The following DNAH9 variants were observed in gnomAD, a reference collection of about 807,000 sequenced individuals.
The protein encoded by DNAH9 is dynein axonemal heavy chain 9.
DNAH9 carries 345 observed loss-of-function variants against 471.6 expected under a neutral mutation model. That is an observed-to-expected ratio of 0.73 (90% CI 0.67 to 0.80). The LOEUF (loss-of-function observed/expected upper bound fraction) is 0.80, where lower values mean the gene tolerates loss of function less well. Ranked by LOEUF, DNAH9 falls within the 30% of genes least tolerant of loss-of-function variation. The probability of loss-of-function intolerance (pLI) is 0.00; values close to 1 mark genes in which losing one functional copy is unlikely to be tolerated. For synonymous variants in DNAH9, 2,093 were observed against 2,123.6 expected (o/e 0.99, Z 0.40); for missense variants, 5,407 against 5,609.2 (o/e 0.96, Z 1.15).
intron 32 of DNAH9, among the ~76,000 whole-genome samples, chr17:11,751,227 C>T (rs1967136501): frequency 6.6e-6 from 1 of 151,636 alleles, no homozygotes; most frequent in Non-Finnish European, 1.5e-5. Context: ...GAGCAAAAAA[C>T]AGATAATTTC....
chr17:11,776,266 G>A (rs1968428804), intron 38 of DNAH9, among the ~76,000 whole-genome samples: 1 of 151,474 alleles, frequency 6.6e-6, no homozygotes, highest in Non-Finnish European at 1.5e-5. Context: ...TAATGACAGT[G>A]ATATCAATGT....
At chr17:11,807,925 C>T (rs1247695519) in intron 44 of DNAH9, 31 bp downstream of exon 44, 3 of 1,572,964 alleles carry the variant, frequency 1.9e-6, no homozygotes, top group Admixed American at 1.7e-5. Flanking sequence ...AGGGAGGAGG[C>T]TCAGCTTCCC....
At chr17:11,881,153 C>T (rs2150995326) in intron 54 of DNAH9, 56 bp from the exon 55 acceptor site, 1 of 1,579,030 alleles carries the variant, frequency 6.3e-7, no homozygotes. Flanking sequence ...AAATTCTGAC[C>T]CCAACCAAAT....
intron 28 of DNAH9, among the ~76,000 whole-genome samples, chr17:11,730,122 C>T (rs2075233638): frequency 6.6e-6 from 1 of 152,134 alleles, no homozygotes; most frequent in Non-Finnish European, 1.5e-5. Flanking sequence ...TATGGTTTTT[C>T]CCTTTTTTTG....
intron 48 of DNAH9, among the ~76,000 whole-genome samples, chr17:11,824,902 C>T (rs1297796361): frequency 6.6e-6 from 1 of 151,828 alleles, no homozygotes; most frequent in African/African-American, 2.4e-5. Flanking sequence ...CCTCCTTCTC[C>T]TCTTCCTCCT....
At chr17:11,688,681 G>A (rs145553906) in intron 19 of DNAH9, among the ~76,000 whole-genome samples, 237 of 152,284 alleles carry the variant, frequency 1.6e-3, no homozygotes, top group African/African-American at 5.6e-3. Flanking sequence ...GTCTGGGCAT[G>A]GGGATCTTAC....
chr17:11,650,443 C>A (rs2073482013), intron 12 of DNAH9, among the ~76,000 whole-genome samples: 1 of 152,176 alleles, frequency 6.6e-6, no homozygotes, highest in Non-Finnish European at 1.5e-5. Context: ...TTTGGGACCC[C>A]ACAGAAGTTC....
intron 52 of DNAH9, among the ~76,000 whole-genome samples, chr17:11,872,915 G>A (rs571900319): frequency 2.3e-4 from 35 of 152,266 alleles, no homozygotes; most frequent in African/African-American, 7.0e-4. Context: ...GCGAGACTCC[G>A]TCTCAAAAAA....
intron 14 of DNAH9, among the ~76,000 whole-genome samples, chr17:11,664,290 T>TGA (rs147301920): frequency 7.8e-4 from 101 of 129,744 alleles, no homozygotes; most frequent in South Asian, 4.3e-3. Flanking sequence ...AGAGAGAGAG[T>TGA]GAGAGAGAGA....
rs139567384 is a variant in DNAH9 at position 11,849,876 on chromosome 17, A to G, written c.9508-4127A>G. On this transcript the variant is annotated intron_variant, in intron 49 of 68. Coordinates refer to ENST00000262442, the MANE Select transcript of DNAH9 (RefSeq NM_001372.4). Reference sequence around the variant, plus strand: ...GAATGCCTAGTACATACTAAATAATATTTGTCCAATGATGACTGCACACAT... The same window carrying G: ...GAATGCCTAGTACATACTAAATAATGTTTGTCCAATGATGACTGCACACAT... Among the ~76,000 whole-genome samples the G allele has an allele frequency of 1.1e-3, 175 of 152,224 alleles. 1 individual carries two copies. The highest frequency in any genetic ancestry group is 4.0e-3 in the African/African-American group (166 of 41,498).
intron 8 of DNAH9, among the ~76,000 whole-genome samples, chr17:11,633,265 G>C (rs16945109): frequency 0.026 from 3,897 of 152,276 alleles, 110 homozygotes; most frequent in South Asian, 0.098. Context: ...CATGATATGT[G>C]TTCCACCAAG....
At chr17:11,704,545 C>A in intron 25 of DNAH9, 103 bp downstream of exon 25, 2 of 1,107,818 alleles carry the variant, frequency 1.8e-6, no homozygotes, top group Non-Finnish European at 2.5e-6. Flanking sequence ...ACAGCACTGA[C>A]CAGACAGCTG....
At chr17:11,797,486 A>T in intron 42 of DNAH9, 111 bp from the exon 43 acceptor site, 1 of 812,204 alleles carries the variant, frequency 1.2e-6, no homozygotes, top group Non-Finnish European at 1.9e-6. Flanking sequence ...TGGAAGTAGC[A>T]CTGATGCCTA....
At chr17:11,696,938 T>C (rs191709023) in intron 22 of DNAH9, among the ~76,000 whole-genome samples, 85 of 152,250 alleles carry the variant, frequency 5.6e-4, no homozygotes, top group African/African-American at 2.0e-3. Flanking sequence ...GGCATGATCA[T>C]AGCTCACTGC....
chr17:11,681,904 C>T (rs892318281), intron 19 of DNAH9, among the ~76,000 whole-genome samples: 1 of 152,180 alleles, frequency 6.6e-6, no homozygotes, highest in Admixed American at 6.5e-5. Flanking sequence ...GACAAAGTTA[C>T]TTAATACCTT....
In DNAH9 at chr17:11,619,727, T is replaced by A. The variant is rs751179835; in HGVS notation, c.1296T>A (p.Ser432=). ...AAGTCAAGGAATGGGATTTCCAGTC[T>A]TCTTTGGTCTTTGTGCGATTGGATG... The part of the protein sequence containing the change: ...NQEVKEWDFQ[S]SLVFVRLDGF... Residue 432 remains serine, a synonymous_variant, in exon 6 of 69, where the codon TCT becomes TCA. Transcript: ENST00000262442. The A allele has an allele frequency of 1.2e-6, 2 of 1,613,958 alleles. No homozygotes were observed. Among genetic ancestry groups the A allele is most frequent in the Admixed American group, 3.3e-5 (2 of 59,992 alleles).
At chr17:11,845,114 C>G (rs1466198976) in intron 49 of DNAH9, among the ~76,000 whole-genome samples, 1 of 151,404 alleles carries the variant, frequency 6.6e-6, no homozygotes, top group Non-Finnish European at 1.5e-5. Context: ...ACTAACTCGT[C>G]ATCTAGCATT....
At chr17:11,768,354 C>G in intron 36 of DNAH9, 99 bp from the exon 37 acceptor site, 1 of 1,242,070 alleles carries the variant, frequency 8.1e-7, no homozygotes, top group South Asian at 1.4e-5. Context: ...GGGAGGAGCA[C>G]GTTGTCCTGC....
At chr17:11,637,051 A>T (rs1286173105) in intron 9 of DNAH9, among the ~76,000 whole-genome samples, 3 of 152,170 alleles carry the variant, frequency 2.0e-5, no homozygotes, top group African/African-American at 7.2e-5. Flanking sequence ...AGACCTTGGC[A>T]TTATGGATGA....
Sources: allele counts gnomAD v4.1 joint callset (sites outside exome capture counted in the v4.1 genomes callset), GRCh38; gene constraint gnomAD v4.1.1; transcripts MANE v1.5; gene names NCBI Gene and HGNC (gene_info 2026-07-23, HGNC 2026-07-21).